TRPS1: variants seen among roughly 807,000 people sequenced by gnomAD.
TRPS1 encodes the protein transcriptional repressor GATA binding 1, also known as zinc finger transcription factor Trps1.
TRPS1 carries 6 observed loss-of-function variants against 101.2 expected under a neutral mutation model. That is an observed-to-expected ratio of 0.06 (90% confidence interval 0.03 to 0.12). The LOEUF is 0.12. Among genes scored for constraint, TRPS1 ranks in the 10% least tolerant of loss-of-function variants. The probability of loss-of-function intolerance (pLI) is 1.00; values close to 1 mark genes in which losing one functional copy is unlikely to be tolerated. For missense variants in TRPS1, 1,363 were observed against 1,567.0 expected (o/e 0.87, Z 2.20); for synonymous variants, 578 against 589.8 (o/e 0.98, Z 0.29).
Position 115,438,241 on chromosome 8 carries a change from CATTTTAA to C in TRPS1, c.2701-19796_2701-19790del, listed in dbSNP as rs747124902. 3.4e-4 allele frequency among the ~76,000 whole-genome samples: 52 copies of C among 152,194 alleles called. 1 individual carries two copies. The highest frequency in any genetic ancestry group is 6.6e-4 in the Non-Finnish European group (45 of 68,036). On this transcript the variant is annotated intron_variant, in intron 5 of 6. Transcript: ENST00000395715. ...CCTGTAATTCATGTATTCTTTCATT[CATTTTAA>C]ATGCCATTCATTGAGTATCTGCCCT... is the stretch of plus-strand genomic sequence containing the variant.
chr8:115,639,549 G>C (rs567132466), intron 1 of TRPS1, among the ~76,000 whole-genome samples: 1 of 152,094 alleles, frequency 6.6e-6, no homozygotes, highest in Non-Finnish European at 1.5e-5. Context: ...TCAAATAATG[G>C]CCAGGCGTGG....
At chr8:115,529,176 T>C (rs1267153021) in intron 5 of TRPS1, among the ~76,000 whole-genome samples, 2 of 151,922 alleles carry the variant, frequency 1.3e-5, no homozygotes, top group African/African-American at 4.8e-5. Flanking sequence ...CAGGTAAGAA[T>C]GAGAAGGAAT....
At chr8:115,539,606 G>A (rs1030374714) in intron 5 of TRPS1, among the ~76,000 whole-genome samples, 1 of 152,160 alleles carries the variant, frequency 6.6e-6, no homozygotes, top group Non-Finnish European at 1.5e-5. Context: ...GGGAGGCTGA[G>A]AAGGGAAGAC....
chr8:115,547,563 C>T (rs1001931951), intron 5 of TRPS1, among the ~76,000 whole-genome samples: 5 of 152,146 alleles, frequency 3.3e-5, no homozygotes, highest in Non-Finnish European at 7.4e-5. Flanking sequence ...AAATAGAAGG[C>T]AGTCACCGTA....
rs1402182545 is a variant in TRPS1 at position 115,413,392 on chromosome 8, G to C, written c.*631C>G. On this transcript the variant is annotated 3_prime_UTR_variant, in exon 7 of 7. Coordinates refer to ENST00000395715, the MANE Select transcript of TRPS1 (RefSeq NM_014112.5). ...CATGTGTATGTACAGGCAGGGCTGGGTAAAAACAGCGTGCCACCATCTGTC... is the reference window on the plus strand; with the variant it reads ...CATGTGTATGTACAGGCAGGGCTGGCTAAAAACAGCGTGCCACCATCTGTC... 2 of 152,694 alleles carry C rather than the reference G, an allele frequency of 1.3e-5. No homozygotes were observed. The highest frequency in any genetic ancestry group is 1.3e-4 in the Admixed American group (2 of 15,258). The allele number at this position is 152,694 out of a possible 1,614,324, so 9.5% of individuals were successfully genotyped here.
chr8:115,512,384 T>C (rs751980001), intron 5 of TRPS1, among the ~76,000 whole-genome samples: 3 of 151,710 alleles, frequency 2.0e-5, no homozygotes, highest in East Asian at 1.9e-4. Context: ...TCTTCAAGAA[T>C]TGGACATAAA....
intron 5 of TRPS1, among the ~76,000 whole-genome samples, chr8:115,475,160 C>A (rs1413821213): frequency 6.6e-6 from 1 of 150,736 alleles, no homozygotes; most frequent in Admixed American, 6.6e-5. Context: ...ACTTTTCTTG[C>A]CATAAAACAC....
intron 1 of TRPS1, among the ~76,000 whole-genome samples, chr8:115,649,730 C>T (rs1416819131): frequency 2.0e-5 from 3 of 152,210 alleles, no homozygotes; most frequent in Non-Finnish European, 4.4e-5. Context: ...CTATGCAAAC[C>T]GTGTCCAGCC....
intron 5 of TRPS1, among the ~76,000 whole-genome samples, chr8:115,431,040 T>C (rs554661250): frequency 6.6e-6 from 1 of 152,074 alleles, no homozygotes; most frequent in South Asian, 2.1e-4. Flanking sequence ...TGATAACTTA[T>C]GATTAATTTT....
At chr8:115,495,176 G>A (rs999819313) in intron 5 of TRPS1, among the ~76,000 whole-genome samples, 12 of 152,154 alleles carry the variant, frequency 7.9e-5, no homozygotes, top group Admixed American at 2.6e-4. Context: ...ATAAACAGAA[G>A]TAGCGGTAGA....
intron 5 of TRPS1, among the ~76,000 whole-genome samples, chr8:115,544,154 C>A (rs1816518054): frequency 6.7e-6 from 1 of 149,752 alleles, no homozygotes; most frequent in South Asian, 2.1e-4. Context: ...GCAGAAGAAA[C>A]AAGCGGCTAA....
At chr8:115,440,658 T>C (rs1159411495) in intron 5 of TRPS1, among the ~76,000 whole-genome samples, 1 of 152,204 alleles carries the variant, frequency 6.6e-6, no homozygotes, top group Non-Finnish European at 1.5e-5. Context: ...TTATAATAAG[T>C]TTGTGTTGCT....
At chr8:115,499,954 TCTTTCTTTC>T (rs1312517750) in intron 5 of TRPS1, among the ~76,000 whole-genome samples, 126 of 52,536 alleles carry the variant, frequency 2.4e-3, no homozygotes, top group African/African-American at 8.0e-3. Context: ...TTTCTTTCTT[TCTTTCTTTC>T]TTTTCTTTTC....
intron 4 of TRPS1, among the ~76,000 whole-genome samples, chr8:115,593,477 A>G (rs1817722511): frequency 1.3e-5 from 2 of 152,178 alleles, no homozygotes; most frequent in East Asian, 1.9e-4. Flanking sequence ...AGTTAAAGCA[A>G]TGGTTGTTCA....
At chr8:115,664,761 G>C (rs1368322359) in intron 1 of TRPS1, among the ~76,000 whole-genome samples, 1 of 152,118 alleles carries the variant, frequency 6.6e-6, no homozygotes, top group Non-Finnish European at 1.5e-5. Context: ...ATTTGGGACA[G>C]AACTGTCTGA....
chr8:115,495,894 T>C (rs531036933), intron 5 of TRPS1, among the ~76,000 whole-genome samples: 19 of 152,318 alleles, frequency 1.2e-4, no homozygotes, highest in Non-Finnish European at 2.4e-4. Context: ...AGCAGGGTGA[T>C]GCTTGAATTA....
intron 1 of TRPS1, among the ~76,000 whole-genome samples, chr8:115,651,030 G>A (rs1240410010): frequency 6.6e-6 from 1 of 152,102 alleles, no homozygotes; most frequent in Non-Finnish European, 1.5e-5. Flanking sequence ...CTTTGGGCCT[G>A]AGAACATTCA....
At chr8:115,611,868 A>G (rs1403302165) in intron 3 of TRPS1, among the ~76,000 whole-genome samples, 1 of 152,212 alleles carries the variant, frequency 6.6e-6, no homozygotes, top group African/African-American at 2.4e-5. Flanking sequence ...TCTTACTATT[A>G]TCCTTTCTGG....
chr8:115,455,093 C>T (rs1813983158), intron 5 of TRPS1, among the ~76,000 whole-genome samples: 1 of 152,358 alleles, frequency 6.6e-6, no homozygotes, highest in African/African-American at 2.4e-5. Context: ...GATATTGTCA[C>T]ATTACCTTCC....
Sources: gnomAD v4.1 joint callset for allele counts (sites outside exome capture counted in the v4.1 genomes callset) on GRCh38, gnomAD v4.1.1 for gene constraint, MANE v1.5 for transcripts, NCBI Gene and HGNC (gene_info 2026-07-23, HGNC 2026-07-21) for gene names.